Variants in FHIT observed in about 807,000 individuals in gnomAD.
FHIT encodes bis(5'-adenosyl)-triphosphatase.
In FHIT, 19 loss-of-function variants were observed where a neutral mutation model predicts 17.9. That is an observed-to-expected ratio of 1.06 (90% CI 0.74 to 1.56). FHIT has a LOEUF of 1.56. Ranked by LOEUF, FHIT falls within the 40% of genes most tolerant of loss-of-function variation. The probability of loss-of-function intolerance (pLI) is 0.00; values close to 1 mark genes in which losing one functional copy is unlikely to be tolerated. For missense variants in FHIT, 248 were observed against 189.2 expected, an observed-to-expected ratio of 1.31 and a Z score of -1.82; for synonymous variants, 81 against 69.7, an observed-to-expected ratio of 1.16 and a Z score of -0.81.
At chr3:61,129,343 CG>C (rs2036700510) in intron 2 of FHIT, among the ~76,000 whole-genome samples, 1 of 152,106 alleles carries the variant, frequency 6.6e-6, no homozygotes, top group Non-Finnish European at 1.5e-5. Context: ...ATTTTTATCC[CG>C]TCTGGTTTTT....
rs557423416 is a variant in FHIT, at chr3:60,847,020, C to T, written c.-110-25009G>A. 1.9e-4 allele frequency among the ~76,000 whole-genome samples: 29 copies of T among 152,204 alleles called. 1 individual carries two copies. The South Asian group carries it at 5.8e-3, about 31-fold the overall frequency. ...TGTATTTTTAGTAGAAACAAGGTTT[C>T]ACCATATTGGCCAGGCTGGTCTTGA... is the stretch of plus-strand genomic sequence containing the variant. On this transcript the variant is annotated intron_variant, in intron 3 of 9. Coordinates refer to ENST00000492590, the MANE Select transcript of FHIT (RefSeq NM_002012.4).
At chr3:60,768,379 T>A (rs1553722083) in intron 4 of FHIT, among the ~76,000 whole-genome samples, 1 of 152,136 alleles carries the variant, frequency 6.6e-6, no homozygotes, top group Non-Finnish European at 1.5e-5. Context: ...AGGTCCCCAC[T>A]GTGGAGAAGG....
At chr3:59,833,065 T>C (rs1701219931) in intron 8 of FHIT, among the ~76,000 whole-genome samples, 1 of 152,210 alleles carries the variant, frequency 6.6e-6, no homozygotes, top group Admixed American at 6.5e-5. Context: ...TGCAATGATA[T>C]CTGAGCACAA....
intron 4 of FHIT, among the ~76,000 whole-genome samples, chr3:60,576,779 T>C (rs1337581043): frequency 2.6e-5 from 4 of 152,032 alleles, no homozygotes; most frequent in Admixed American, 2.6e-4. Context: ...AGAAAAGTAA[T>C]GGGAAAAGTG....
chr3:59,788,562 G>A lies in FHIT; in HGVS notation c.349-36241C>T, dbSNP rs924156250. Among the ~76,000 whole-genome samples the A allele has an allele frequency of 3.3e-5, 5 of 152,086 alleles. No homozygotes were observed. The East Asian group carries it at 5.8e-4, about 18-fold the overall frequency. On this transcript the variant is annotated intron_variant, in intron 8 of 9. Transcript: ENST00000492590. ...CTAAACAGGGCTAAAGGCAGGCTACGATCCTCATTCTAGATTGGCCCTCTC... is the reference window on the plus strand; with the variant it reads ...CTAAACAGGGCTAAAGGCAGGCTACAATCCTCATTCTAGATTGGCCCTCTC...
intron 9 of FHIT, 58 bp downstream of exon 9, chr3:59,752,163 C>G (rs910664554): frequency 8.2e-7 from 1 of 1,226,468 alleles, no homozygotes; most frequent in East Asian, 2.4e-5. Flanking sequence ...TCTGAGAGTG[C>G]AGCCTCTTTC....
intron 8 of FHIT, among the ~76,000 whole-genome samples, chr3:59,786,546 A>G (rs1699307364): frequency 6.6e-6 from 1 of 152,254 alleles, no homozygotes; most frequent in Non-Finnish European, 1.5e-5. Flanking sequence ...TACTACGGTA[A>G]TGTGGAATAA....
intron 7 of FHIT, among the ~76,000 whole-genome samples, chr3:59,953,030 G>A (rs1453713860): frequency 6.6e-6 from 1 of 151,850 alleles, no homozygotes; most frequent in Non-Finnish European, 1.5e-5. Context: ...ACCCCCCGAA[G>A]TGTGTGTCTG....
At chr3:60,318,743 C>G (rs1304571660) in intron 5 of FHIT, among the ~76,000 whole-genome samples, 2 of 152,166 alleles carry the variant, frequency 1.3e-5, no homozygotes, top group Non-Finnish European at 2.9e-5. Flanking sequence ...GCTGCTGTAA[C>G]AAGTTATCAC....
intron 3 of FHIT, among the ~76,000 whole-genome samples, chr3:61,024,094 T>A (rs61159031): frequency 0.26 from 39,629 of 151,852 alleles, 6,075 homozygotes; most frequent in African/African-American, 0.43. Context: ...TTACAAAATG[T>A]AAATTTGTGA....
chr3:60,162,247 T>C (rs1450553607), intron 5 of FHIT, among the ~76,000 whole-genome samples: 3 of 152,196 alleles, frequency 2.0e-5, no homozygotes, highest in Non-Finnish European at 4.4e-5. Context: ...AAAATTTTGT[T>C]GTGTCATTTT....
At chr3:60,977,529 A>G (rs1710313068) in intron 3 of FHIT, among the ~76,000 whole-genome samples, 1 of 152,176 alleles carries the variant, frequency 6.6e-6, no homozygotes, top group Non-Finnish European at 1.5e-5. Context: ...ATGCTGTAAT[A>G]ATTCAGAAAA....
intron 5 of FHIT, among the ~76,000 whole-genome samples, chr3:60,153,654 C>A (rs1215110703): frequency 6.6e-6 from 1 of 152,136 alleles, no homozygotes; most frequent in Non-Finnish European, 1.5e-5. Context: ...CCAAAAGTAG[C>A]CTAAGGCCAC....
At chr3:61,174,769 G>C (rs908803163) in intron 2 of FHIT, among the ~76,000 whole-genome samples, 1 of 152,146 alleles carries the variant, frequency 6.6e-6, no homozygotes, top group African/African-American at 2.4e-5. Context: ...CCTTGAAAAT[G>C]TTGTAGCTAC....
chr3:60,091,112 G>A (rs867199267), intron 5 of FHIT, among the ~76,000 whole-genome samples: 25 of 152,170 alleles, frequency 1.6e-4, no homozygotes, highest in African/African-American at 5.8e-4. Context: ...TACTTTGTAA[G>A]GGGATTTTTG....
chr3:60,227,814 A>T (rs906420310), intron 5 of FHIT, among the ~76,000 whole-genome samples: 2 of 152,088 alleles, frequency 1.3e-5, no homozygotes, highest in Non-Finnish European at 2.9e-5. Context: ...AACTCCAAGA[A>T]CTTCTGGAAT....
At chr3:60,053,951 G>C (rs952465309) in intron 5 of FHIT, among the ~76,000 whole-genome samples, 1 of 152,160 alleles carries the variant, frequency 6.6e-6, no homozygotes, top group Non-Finnish European at 1.5e-5. Flanking sequence ...CCTACTCAGA[G>C]TATGCTTCAA....
chr3:59,915,165 C>T (rs564910031), intron 8 of FHIT, among the ~76,000 whole-genome samples: 13 of 152,226 alleles, frequency 8.5e-5, no homozygotes, highest in East Asian at 5.8e-4. Context: ...CCTCCTTCAC[C>T]GGCAAGCACC....
intron 3 of FHIT, among the ~76,000 whole-genome samples, chr3:61,017,863 A>G (rs1253227862): frequency 6.6e-6 from 1 of 152,242 alleles, no homozygotes; most frequent in African/African-American, 2.4e-5. Context: ...GCTAAAGAGA[A>G]AAAATTTCCA....
Sources: gnomAD v4.1 joint callset for allele counts (sites outside exome capture counted in the v4.1 genomes callset) on GRCh38, gnomAD v4.1.1 for gene constraint, MANE v1.5 for transcripts, NCBI Gene and HGNC (gene_info 2026-07-23, HGNC 2026-07-21) for gene names.